CAMSAP1: variants seen among roughly 807,000 people sequenced by gnomAD.
The protein encoded by CAMSAP1 is calmodulin-regulated spectrin-associated protein 1.
CAMSAP1 carries 58 observed loss-of-function variants against 143.5 expected under a neutral mutation model. The observed-to-expected ratio is 0.40, with a 90% CI of 0.33 to 0.50. The LOEUF is 0.50. Among genes scored for constraint, CAMSAP1 ranks in the 20% least tolerant of loss-of-function variants. The pLI, the probability that CAMSAP1 is intolerant of heterozygous loss-of-function variation, is 0.45. For synonymous variants in CAMSAP1, 945 were observed against 859.3 expected, an observed-to-expected ratio of 1.10 and a Z score of -1.74; for missense variants, 1,969 against 2,115.7, an observed-to-expected ratio of 0.93 and a Z score of 1.36.
chr9:135,816,225 C>CA (rs1383515263), intron 14 of CAMSAP1, among the ~76,000 whole-genome samples: 2 of 152,198 alleles, frequency 1.3e-5, no homozygotes, highest in African/African-American at 2.4e-5. Flanking sequence ...GTGATGAAGA[C>CA]AGACAGAGGG....
chr9:135,881,647 A>C lies in CAMSAP1; in HGVS notation c.571T>G (p.Phe191Val). ...AGGGCACTCACCTTGTTGATCCAGA[A>C]CACCATGGCATCCTCGAGGTCGTAC... ...LPYDLEDAMV[F>V]WINKVNLKMR... The change falls in exon 3 of 17, where the codon TTC becomes GTC. Residue 191 changes from phenylalanine (F) to valine (V), a missense_variant. Physicochemically the swap from Phe to Val is conservative, Grantham distance 50 (BLOSUM62 -1). Around this residue, in one of 4 missense-constraint regions of CAMSAP1, gnomAD observed 221 missense variants for 298.2 expected, o/e 0.74. Transcript: ENST00000389532. 1 of 1,551,702 alleles carries C rather than the reference A, an allele frequency of 6.4e-7. No homozygotes were observed. Among genetic ancestry groups the C allele is most frequent in the Non-Finnish European group, 8.7e-7 (1 of 1,146,990 alleles).
intron 1 of CAMSAP1, among the ~76,000 whole-genome samples, chr9:135,894,419 T>C (rs1379243125): frequency 1.3e-5 from 2 of 152,184 alleles, no homozygotes; most frequent in African/African-American, 2.4e-5. Flanking sequence ...GCTGAAATGT[T>C]CCACCCCTCA....
intron 14 of CAMSAP1, among the ~76,000 whole-genome samples, chr9:135,816,612 C>A (rs1021981800): frequency 2.0e-5 from 3 of 152,168 alleles, no homozygotes; most frequent in Non-Finnish European, 2.9e-5. Context: ...GGTAACTGAC[C>A]ACCAGAACAA....
intron 3 of CAMSAP1, among the ~76,000 whole-genome samples, chr9:135,867,488 T>TA (rs1837421378): frequency 1.4e-5 from 2 of 142,260 alleles, no homozygotes; most frequent in African/African-American, 2.7e-5. Flanking sequence ...TTTTTTTTTT[T>TA]TAAAAAAAAA....
intron 5 of CAMSAP1, among the ~76,000 whole-genome samples, chr9:135,853,072 A>C (rs2130909958): frequency 6.6e-6 from 1 of 152,300 alleles, no homozygotes; most frequent in Non-Finnish European, 1.5e-5. Context: ...CAAGCTTAGA[A>C]GTGGGGAAGG....
chr9:135,883,003 A>G lies in CAMSAP1; in HGVS notation c.236T>C (p.Ile79Thr), dbSNP rs1288001025. Residue 79 changes from isoleucine (I) to threonine (T), a missense_variant, in exon 2 of 17, where the codon ATC becomes ACC. Transcript: ENST00000389532. ...CAGCTCGCTGGACAGGAGAAGCTTGATAACAGGCGGCTTAATGTGCTCCTG... is the reference window on the plus strand; with the variant it reads ...CAGCTCGCTGGACAGGAGAAGCTTGGTAACAGGCGGCTTAATGTGCTCCTG... ...YEQEHIKPPV[I>T]KLLLSSELYC... 7 of 1,551,622 alleles carry G rather than the reference A, an allele frequency of 4.5e-6. No homozygotes were observed. The highest frequency in any genetic ancestry group is 1.4e-5 in the African/African-American group (1 of 73,050).
In CAMSAP1 at chr9:135,810,335, G is replaced by T. The variant is rs974321653; in HGVS notation, c.*974C>A. On this transcript the variant is annotated 3_prime_UTR_variant, in exon 17 of 17. Transcript: ENST00000389532. Reference sequence around the variant, plus strand: ...GCTTCCAGATGCAGAATCCAGACAGGACAAGCCGTGACCTAACAAAACCAC... The same window carrying T: ...GCTTCCAGATGCAGAATCCAGACAGTACAAGCCGTGACCTAACAAAACCAC... 87 of 152,290 alleles carry T rather than the reference G, an allele frequency of 5.7e-4. No individual in the cohort carries two copies. Among genetic ancestry groups the T allele is most frequent in the African/African-American group, 2.1e-3 (86 of 41,566 alleles). 9.4% of individuals were successfully genotyped at this position (152,290 alleles called of 1,614,324 possible).
intron 3 of CAMSAP1, among the ~76,000 whole-genome samples, chr9:135,867,369 G>A (rs943167212): frequency 6.6e-6 from 1 of 152,222 alleles, no homozygotes; most frequent in Admixed American, 6.5e-5. Flanking sequence ...CAAAGGACGA[G>A]TGTGGCAGCT....
rs755479666 is a variant in CAMSAP1, at chr9:135,822,342, C to T, written c.2319G>A (p.Leu773=). 1.2e-6 allele frequency: 2 copies of T among 1,614,018 alleles called. No individual in the cohort carries two copies. Among genetic ancestry groups the T allele is most frequent in the South Asian group, 2.2e-5 (2 of 91,080 alleles). Residue 773 remains leucine (L), a synonymous_variant, in exon 11 of 17, where the codon CTG becomes CTA. Transcript: ENST00000389532. The surrounding 1 kb of genome is among the most constrained non-coding windows in gnomAD (Gnocchi z 6.1). The part of the protein sequence containing the change: ...RYIGEEESAK[L]QEDMKVKEHE... ...GTTCCTTCACCTTCATGTCCTCCTG[C>T]AGTTTGGCCGACTCTTCCTCCCCAA...
At position 135,824,696 on chromosome 9, in the gene CAMSAP1, C is replaced by T; in HGVS notation, c.1315+93G>A. ...AAACAAACAAACAAAAAAATCACTA[C>T]ATCAGATAAAATGATTTAATTTTGA... is the stretch of plus-strand genomic sequence containing the variant. On this transcript the variant is annotated intron_variant, in intron 9 of 16. Coordinates refer to ENST00000389532, the MANE Select transcript of CAMSAP1 (RefSeq NM_015447.4). This position sits in a 1 kb window ranked among gnomAD's most constrained non-coding sequence, Gnocchi z 4.1. The T allele has an allele frequency of 2.1e-6, 2 of 962,190 alleles. No homozygotes were observed. Among genetic ancestry groups the T allele is most frequent in the South Asian group, 1.8e-5 (1 of 56,298 alleles). 59.6% of individuals were successfully genotyped at this position (962,190 alleles called of 1,614,324 possible).
intron 7 of CAMSAP1, among the ~76,000 whole-genome samples, chr9:135,841,604 G>A (rs903585229): frequency 3.9e-5 from 6 of 152,184 alleles, no homozygotes; most frequent in African/African-American, 9.7e-5. Flanking sequence ...GGAGAGCTCC[G>A]GTTGACATCC....
rs1242736645 is a variant in CAMSAP1, at chr9:135,810,090, T to C, written c.*1219A>G. 1 of 152,618 alleles carries C rather than the reference T, an allele frequency of 6.6e-6. No homozygotes were observed. Among genetic ancestry groups the C allele is most frequent in the African/African-American group, 2.4e-5 (1 of 41,454 alleles). The allele number at this position is 152,618 out of a possible 1,614,324, so 9.5% of individuals were successfully genotyped here. On this transcript the variant is annotated 3_prime_UTR_variant, in exon 17 of 17. Transcript: ENST00000389532. ...TCCGGCAGCTGGTCAGTTGCAGCAG[T>C]GTCTGGCAGCCATGGCTGGCACGCA...
intron 1 of CAMSAP1, among the ~76,000 whole-genome samples, chr9:135,898,628 T>C (rs1045918441): frequency 6.6e-6 from 1 of 152,184 alleles, no homozygotes; most frequent in African/African-American, 2.4e-5. Flanking sequence ...AAAATGCTCA[T>C]CATAAGTCAT....
Position 135,822,933 on chromosome 9 carries a change from G to A in CAMSAP1, c.1728C>T (p.Pro576=). Residue 576 remains proline, a synonymous_variant, in exon 11 of 17, where the codon CCC becomes CCT. Transcript: ENST00000389532. The surrounding 1 kb of genome is among the most constrained non-coding windows in gnomAD (Gnocchi z 6.1). ...ALGLTANARS[P]QGQLDTSESK... is the part of the protein sequence containing the mutation. ...TTTCCGAGGTGTCCAGCTGTCCTTG[G>A]GGAGACCGGGCATTTGCTGTAAGGC... 1.9e-6 allele frequency: 3 copies of A among 1,613,986 alleles called. No individual in the cohort carries two copies. The highest frequency in any genetic ancestry group is 2.5e-6 in the Non-Finnish European group (3 of 1,179,894).
Position 135,881,714 on chromosome 9 carries a change from A to G in CAMSAP1, c.504T>C (p.Ser168=). The change falls in exon 3 of 17, where the codon AGT becomes AGC. Residue 168 remains serine, a synonymous_variant. Coordinates refer to ENST00000389532, the MANE Select transcript of CAMSAP1 (RefSeq NM_015447.4). ...EMISIEKVVA[S]VKRFSTFSAS... ...CACTGAACGTTGAGAAGCGCTTGAC[A>G]CTGGCCACCACCTTCTCGATGCTGA... 1.9e-6 allele frequency: 3 copies of G among 1,551,860 alleles called. No individual in the cohort carries two copies. Among genetic ancestry groups the G allele is most frequent in the Non-Finnish European group, 2.6e-6 (3 of 1,147,016 alleles).
intron 7 of CAMSAP1, among the ~76,000 whole-genome samples, chr9:135,839,372 G>A (rs1836257618): frequency 6.6e-6 from 1 of 152,190 alleles, no homozygotes. Context: ...GAGCATGCAT[G>A]GCAATGGTTC....
At position 135,816,938 on chromosome 9, in the gene CAMSAP1, A is replaced by G. The variant is rs548004711; in HGVS notation, c.4272-933T>C. Reference sequence around the variant, plus strand: ...CCTGAAGTTACTTTCTCATCACAGGAGCGGTCCCGGGGCCCACCTGAGAGG... The same window carrying G: ...CCTGAAGTTACTTTCTCATCACAGGGGCGGTCCCGGGGCCCACCTGAGAGG... On this transcript the variant is annotated intron_variant, in intron 14 of 16. Transcript: ENST00000389532. Among the ~76,000 whole-genome samples, 16 of 152,242 alleles carry G rather than the reference A, an allele frequency of 1.1e-4. No individual in the cohort carries two copies. The South Asian group carries it at 1.9e-3, about 18-fold the overall frequency.
intron 7 of CAMSAP1, among the ~76,000 whole-genome samples, chr9:135,840,520 A>G (rs1288408006): frequency 6.6e-6 from 1 of 152,214 alleles, no homozygotes; most frequent in African/African-American, 2.4e-5. Flanking sequence ...AGGAAAAACA[A>G]GACTTCCTTC....
intron 5 of CAMSAP1, among the ~76,000 whole-genome samples, chr9:135,861,075 G>C (rs1239110098): frequency 6.6e-6 from 1 of 152,132 alleles, no homozygotes; most frequent in Non-Finnish European, 1.5e-5. Context: ...CACATCCCCA[G>C]AGCCAAGGGC....
Sources: gnomAD v4.1 joint callset for allele counts (sites outside exome capture counted in the v4.1 genomes callset) on GRCh38, gnomAD v4.1.1 for gene constraint, gnomAD v4.1.1 regional missense constraint, Gnocchi (gnomAD v3.1) non-coding constraint, MANE v1.5 for transcripts, NCBI Gene and HGNC (gene_info 2026-07-23, HGNC 2026-07-21) for gene names.